The following SGCD variants were observed in gnomAD, a reference collection of about 807,000 sequenced individuals.
SGCD encodes the protein sarcoglycan delta.
Under a neutral mutation model 36.6 loss-of-function variants are expected in SGCD, and 18 were observed. The observed-to-expected ratio is 0.49, with a 90% CI of 0.34 to 0.73. SGCD has a LOEUF of 0.73. Ranked by LOEUF, SGCD falls within the 30% of genes least tolerant of loss-of-function variation. SGCD has a pLI of 0.01. For missense variants in SGCD, 387 were observed against 346.7 expected (o/e 1.12, Z -0.92); for synonymous variants, 133 against 130.6 (o/e 1.02, Z -0.12).
chr5:156,564,047 G>A (rs759195468), intron 4 of SGCD, among the ~76,000 whole-genome samples: 3 of 152,194 alleles, frequency 2.0e-5, no homozygotes, highest in Admixed American at 6.5e-5. Flanking sequence ...GAAATCAGTC[G>A]GTCAGTTGGT....
chr5:156,085,543 C>T (rs1008186162), intron 1 of SGCD, among the ~76,000 whole-genome samples: 1 of 152,184 alleles, frequency 6.6e-6, no homozygotes, highest in Non-Finnish European at 1.5e-5. Flanking sequence ...GTACAGCCTG[C>T]AGAACTGTGA....
intron 1 of SGCD, among the ~76,000 whole-genome samples, chr5:156,000,175 T>A (rs1029671518): frequency 3.9e-5 from 6 of 152,194 alleles, no homozygotes; most frequent in African/African-American, 1.4e-4. Context: ...GTTCTGTTAC[T>A]CTCACCCCCA....
At chr5:156,598,175 A>G (rs978750694) in intron 6 of SGCD, among the ~76,000 whole-genome samples, 5 of 152,174 alleles carry the variant, frequency 3.3e-5, no homozygotes, top group Admixed American at 2.0e-4. Flanking sequence ...CTCTTTTTGT[A>G]GAAATGGCAT....
chr5:156,035,578 C>G (rs1238536206), intron 1 of SGCD, among the ~76,000 whole-genome samples: 1 of 151,966 alleles, frequency 6.6e-6, no homozygotes, highest in African/African-American at 2.4e-5. Flanking sequence ...CCACTGAACT[C>G]CAGCTTGGAG....
the SGCD span, among the ~76,000 whole-genome samples, chr5:155,784,544 G>A: frequency 6.6e-6 from 1 of 152,046 alleles, no homozygotes; most frequent in African/African-American, 2.4e-5. Context: ...AGACCATTTA[G>A]AGGATGGTTG....
At chr5:156,520,812 T>TA (rs1183419066) in intron 4 of SGCD, among the ~76,000 whole-genome samples, 3 of 151,970 alleles carry the variant, frequency 2.0e-5, no homozygotes, top group Admixed American at 1.3e-4. Context: ...GGTCAGGAGA[T>TA]AGAGATGGTC....
chr5:156,314,090 G>A (rs1402412025), intron 3 of SGCD, among the ~76,000 whole-genome samples: 1 of 151,832 alleles, frequency 6.6e-6, no homozygotes, highest in Admixed American at 6.6e-5. Context: ...ACACAATAAA[G>A]AGCAAAGAGT....
At chr5:155,824,894 A>G in the SGCD span, among the ~76,000 whole-genome samples, 1 of 152,326 alleles carries the variant, frequency 6.6e-6, no homozygotes, top group Middle Eastern at 3.4e-3. Flanking sequence ...AAATTAGAGG[A>G]CAATGACTTC....
At position 155,893,276 on chromosome 5, in the gene SGCD, A is replaced by C. The variant is rs144834021; in HGVS notation, c.-282+22852A>C. On this transcript the variant is annotated intron_variant, in intron 1 of 9. Transcript: ENST00000517913. ...ATGTGTCAATTAAAAATAAAAAATA[A>C]AACGTTAGAAAAAAGCTTGCTTTTG... Among the ~76,000 whole-genome samples the C allele has an allele frequency of 3.5e-3, 526 of 152,268 alleles. 1 individual carries two copies. Among genetic ancestry groups the C allele is most frequent in the South Asian group, 9.1e-3 (44 of 4,824 alleles).
intron 1 of SGCD, among the ~76,000 whole-genome samples, chr5:156,076,752 T>G (rs576640446): frequency 5.9e-5 from 9 of 152,322 alleles, no homozygotes; most frequent in Non-Finnish European, 1.2e-4. Context: ...GACTTGAACA[T>G]TACATCTGGG....
chr5:156,260,608 T>C (rs1394225938), intron 3 of SGCD, among the ~76,000 whole-genome samples: 1 of 152,158 alleles, frequency 6.6e-6, no homozygotes, highest in Non-Finnish European at 1.5e-5. Flanking sequence ...TCCTTTTGGA[T>C]AAGTGTATAA....
intron 3 of SGCD, among the ~76,000 whole-genome samples, chr5:156,205,589 G>C (rs966910812): frequency 6.6e-6 from 1 of 152,026 alleles, no homozygotes; most frequent in Admixed American, 6.6e-5. Context: ...GTGTCTGTGA[G>C]TTTTCCAGCC....
intron 4 of SGCD, among the ~76,000 whole-genome samples, chr5:156,549,259 G>A (rs967731271): frequency 1.1e-4 from 16 of 152,104 alleles, no homozygotes; most frequent in Admixed American, 1.3e-4. Context: ...GGATTTTTCC[G>A]TAAAATAAGA....
At chr5:156,752,480 C>T (rs973395657) in intron 7 of SGCD, among the ~76,000 whole-genome samples, 1 of 152,170 alleles carries the variant, frequency 6.6e-6, no homozygotes, top group African/African-American at 2.4e-5. Flanking sequence ...GCAACCTCTG[C>T]CTCTCGGGTT....
intron 1 of SGCD, among the ~76,000 whole-genome samples, chr5:155,890,843 A>C (rs1190468365): frequency 6.6e-6 from 1 of 151,944 alleles, no homozygotes; most frequent in Non-Finnish European, 1.5e-5. Flanking sequence ...TCTACTCAAG[A>C]CTCATTGTCT....
At chr5:155,899,589 A>T (rs78697364) in intron 1 of SGCD, among the ~76,000 whole-genome samples, 3,335 of 152,246 alleles carry the variant, frequency 0.022, 132 homozygotes, top group African/African-American at 0.071. Context: ...CATGCTTTAG[A>T]TTAGAAACGT....
intron 6 of SGCD, among the ~76,000 whole-genome samples, chr5:156,640,795 T>G (rs1330530640): frequency 6.6e-6 from 1 of 152,190 alleles, no homozygotes; most frequent in Non-Finnish European, 1.5e-5. Context: ...AAAAAGAAAA[T>G]ATTTGGTATG....
At chr5:156,680,916 C>G (rs1481592573) in intron 7 of SGCD, among the ~76,000 whole-genome samples, 1 of 152,194 alleles carries the variant, frequency 6.6e-6, no homozygotes, top group East Asian at 1.9e-4. Flanking sequence ...CAGCCTGCCA[C>G]TGGCCACTCC....
intron 1 of SGCD, among the ~76,000 whole-genome samples, chr5:155,900,735 T>C (rs1481410803): frequency 1.3e-5 from 2 of 152,202 alleles, no homozygotes; most frequent in Non-Finnish European, 2.9e-5. Context: ...AGATTTTTCA[T>C]AGTGATTTTG....
Sources: allele counts gnomAD v4.1 joint callset (sites outside exome capture counted in the v4.1 genomes callset), GRCh38; gene constraint gnomAD v4.1.1; transcripts MANE v1.5; gene names NCBI Gene and HGNC (gene_info 2026-07-23, HGNC 2026-07-21).